The following SPATA1 variants were observed in gnomAD, a reference collection of about 807,000 sequenced individuals.
SPATA1 encodes the protein spermatogenesis-associated protein 1.
A neutral mutation model predicts 59.6 loss-of-function variants in SPATA1; 57 were observed. The ratio of observed to expected loss-of-function variants is 0.96; its 90% CI spans 0.77 to 1.19. The LOEUF (loss-of-function observed/expected upper bound fraction) is 1.19, where lower values mean the gene tolerates loss of function less well. Among genes scored for constraint, SPATA1 ranks in the 50% most tolerant of loss-of-function variants. SPATA1 has a pLI of 0.00. For synonymous variants in SPATA1, 147 were observed against 163.9 expected, an observed-to-expected ratio of 0.90 and a Z score of 0.79; for missense variants, 448 against 480.7, an observed-to-expected ratio of 0.93 and a Z score of 0.64.
chr1:84,557,533 C>CA (rs56101174), downstream of SPATA1, among the ~76,000 whole-genome samples: 3,501 of 55,262 alleles, frequency 0.063, 125 homozygotes, highest in Non-Finnish European at 0.095. Context: ...AACTCCATCT[C>CA]AAAAAAAAAA....
chr1:84,515,827 T>A (rs1682773092), intron 1 of SPATA1, among the ~76,000 whole-genome samples: 1 of 152,186 alleles, frequency 6.6e-6, no homozygotes. Context: ...TTTTCATCAT[T>A]CTATAGCCAT....
chr1:84,555,061 C>T, downstream of SPATA1: 1 of 1,614,030 alleles, frequency 6.2e-7, no homozygotes, highest in Non-Finnish European at 8.5e-7. Flanking sequence ...TGTTTGGCTA[C>T]AGCATCTCCA....
chr1:84,538,891 C>T (rs1683811890), intron 8 of SPATA1, among the ~76,000 whole-genome samples: 1 of 152,150 alleles, frequency 6.6e-6, no homozygotes, highest in Non-Finnish European at 1.5e-5. Context: ...CCTTGACCTC[C>T]CAGACTCAAT....
chr1:84,565,998 T>G (rs747323985), exon 5 of SPATA1: 13 of 1,552,152 alleles, frequency 8.4e-6, no homozygotes, highest in Non-Finnish European at 1.1e-5. Context: ...GAGACCAAGC[T>G]ACATCAAAGG....
intron 8 of SPATA1, 119 bp downstream of exon 8, chr1:84,533,885 C>A: frequency 1.6e-6 from 1 of 621,708 alleles, no homozygotes; most frequent in South Asian, 2.2e-5. Context: ...CTTCTAATAT[C>A]AATATAATCA....
At position 84,545,750 on chromosome 1, in the gene SPATA1, C is replaced by T. The variant is rs751989729; in HGVS notation, c.937C>T (p.Arg313Ter). 4.4e-5 allele frequency: 66 copies of T among 1,511,012 alleles called. No homozygotes were observed. The highest frequency in any genetic ancestry group is 5.4e-5 in the Non-Finnish European group (61 of 1,140,034). The allele number at this position is 1,511,012 out of a possible 1,614,324, so 93.6% of individuals were successfully genotyped here. A position where few individuals can be genotyped will look rare whatever the true frequency, so the allele number is the denominator to read the frequency against. ...GCTATTTGAACAAAGCAAATTAAAA[C>T]GATATCATGGTAAAGTTTATTACAT... The change falls in exon 10 of 13, where the codon CGA becomes TGA. Residue 313 changes from arginine (R) to a stop codon, truncating the protein, a stop_gained. Transcript: ENST00000490879. LOFTEE classifies it high-confidence loss of function.
downstream of SPATA1, among the ~76,000 whole-genome samples, chr1:84,559,367 T>TG (rs1449566936): frequency 6.6e-6 from 1 of 152,224 alleles, no homozygotes; most frequent in Non-Finnish European, 1.5e-5. Context: ...ACGCCTGTAA[T>TG]GCCAACACTT....
chr1:84,525,372 C>T (rs989370683), intron 4 of SPATA1, among the ~76,000 whole-genome samples: 1 of 152,176 alleles, frequency 6.6e-6, no homozygotes, highest in Non-Finnish European at 1.5e-5. Flanking sequence ...GGTCAGATGA[C>T]CTGGTTTTGA....
intron 1 of SPATA1, among the ~76,000 whole-genome samples, chr1:84,511,589 A>G (rs1050086153): frequency 4.1e-5 from 6 of 147,296 alleles, no homozygotes; most frequent in African/African-American, 1.0e-4. Context: ...TCATTCCTCC[A>G]TTGGTTCTAG....
At chr1:84,520,465 A>T in intron 2 of SPATA1, 120 bp from the exon 3 acceptor site, 1 of 648,240 alleles carries the variant, frequency 1.5e-6, no homozygotes, top group Non-Finnish European at 2.5e-6. Flanking sequence ...GTTCAGAGGG[A>T]TGTATGTATT....
intron 10 of SPATA1, among the ~76,000 whole-genome samples, chr1:84,546,129 C>T (rs1366452580): frequency 6.6e-6 from 1 of 152,120 alleles, no homozygotes. Flanking sequence ...TCTTACAGTC[C>T]AGTGGGGAAA....
exon 11 of SPATA1, chr1:84,548,945 C>T (rs184975244): frequency 1.5e-4 from 230 of 1,585,360 alleles, no homozygotes; most frequent in Non-Finnish European, 1.7e-4. Flanking sequence ...AAGAATCTGG[C>T]AAACATCACA....
intron 4 of SPATA1, among the ~76,000 whole-genome samples, chr1:84,565,613 G>T (rs976999560): frequency 2.0e-5 from 3 of 152,040 alleles, no homozygotes; most frequent in Non-Finnish European, 4.4e-5. Context: ...ATCTCATCTA[G>T]AAATATACCT....
intron 8 of SPATA1, among the ~76,000 whole-genome samples, chr1:84,542,234 G>T (rs1419669704): frequency 1.3e-5 from 2 of 152,208 alleles, no homozygotes; most frequent in East Asian, 3.8e-4. Flanking sequence ...AAGAAATGCA[G>T]TTATTTATGT....
At chr1:84,538,012 A>T (rs966104980) in intron 8 of SPATA1, among the ~76,000 whole-genome samples, 1 of 152,228 alleles carries the variant, frequency 6.6e-6, no homozygotes, top group African/African-American at 2.4e-5. Context: ...TGGCCTATTC[A>T]TTACCAAAAT....
At chr1:84,562,183 C>T (rs890009029) in intron 4 of SPATA1, among the ~76,000 whole-genome samples, 3 of 152,096 alleles carry the variant, frequency 2.0e-5, no homozygotes, top group Admixed American at 6.5e-5. Flanking sequence ...CCAAGAGGGG[C>T]GTACAGTATA....
intron 6 of SPATA1, among the ~76,000 whole-genome samples, chr1:84,531,543 T>C (rs1431036833): frequency 8.7e-5 from 13 of 149,860 alleles, no homozygotes; most frequent in Non-Finnish European, 1.9e-4. Context: ...CAGTATGGGC[T>C]CCAGGTTGCA....
chr1:84,516,400 G>A lies in SPATA1; in HGVS notation c.36+5G>A. ...AGTCGACCTTCCTCATCAGAGGTAA[G>A]AAAATCTTTTTATACTAAAATATAA... On this transcript the variant is annotated splice_donor_5th_base_variant and intron_variant, in intron 2 of 12. Coordinates refer to ENST00000490879, the Ensembl canonical transcript of SPATA1. The A allele has an allele frequency of 6.8e-7, 1 of 1,467,518 alleles. No individual in the cohort carries two copies. The highest frequency in any genetic ancestry group is 9.1e-7 in the Non-Finnish European group (1 of 1,102,754). 90.9% of individuals were successfully genotyped at this position (1,467,518 alleles called of 1,614,324 possible).
chr1:84,551,135 A>G (rs1684258448), intron 12 of SPATA1: 2 of 985,164 alleles, frequency 2.0e-6, no homozygotes, highest in Non-Finnish European at 2.4e-6. Context: ...TGTGAAGTAC[A>G]TATGTATTAA....
Sources: gnomAD v4.1 joint callset for allele counts (sites outside exome capture counted in the v4.1 genomes callset) on GRCh38, gnomAD v4.1.1 for gene constraint, MANE v1.5 for transcripts, NCBI Gene and HGNC (gene_info 2026-07-23, HGNC 2026-07-21) for gene names.